The following LRRC20 variants were observed in gnomAD, a reference collection of about 807,000 sequenced individuals.
The protein encoded by LRRC20 is leucine rich repeat containing 20.
In LRRC20, 11 loss-of-function variants were observed where a neutral mutation model predicts 14.4. The ratio of observed to expected loss-of-function variants is 0.77; its 90% CI spans 0.48 to 1.27. LRRC20 has a LOEUF of 1.27. LRRC20 is among the 50% of genes most tolerant of loss of function. The pLI is 0.00. For synonymous variants in LRRC20, 121 were observed against 107.3 expected (o/e 1.13, Z -0.79); for missense variants, 219 against 251.2 (o/e 0.87, Z 0.87).
intron 2 of LRRC20, among the ~76,000 whole-genome samples, chr10:70,373,124 T>C (rs1844373052): frequency 6.6e-6 from 1 of 151,890 alleles, no homozygotes; most frequent in African/African-American, 2.4e-5. Context: ...AAAAAAAGCA[T>C]TGTATAGCTG....
At position 70,376,509 on chromosome 10, in the gene LRRC20, C is replaced by T. The variant is rs144622951; in HGVS notation, c.25G>A (p.Val9Met). ...TTGACCTTCCTTGCTACTCTGGCCA[C>T]GGCCTCACCCATCTTCTTCAGCATG... is the stretch of plus-strand genomic sequence containing the variant. MLKKMGEA[V>M]ARVARKVNET... Residue 9 changes from valine (V) to methionine (M), a missense_variant, in exon 2 of 5, where the codon GTG becomes ATG. Coordinates refer to ENST00000446961, the MANE Select transcript of LRRC20 (RefSeq NM_001278212.2). 8.1e-6 allele frequency: 13 copies of T among 1,613,778 alleles called. No homozygotes were observed. The highest frequency in any genetic ancestry group is 2.7e-5 in the African/African-American group (2 of 74,944).
At chr10:70,313,414 A>G (rs1841741838) in intron 4 of LRRC20, among the ~76,000 whole-genome samples, 1 of 152,010 alleles carries the variant, frequency 6.6e-6, no homozygotes, top group Non-Finnish European at 1.5e-5. Context: ...CTGGGGCAGA[A>G]GGGTTCCTCA....
chr10:70,347,709 C>T (rs1843127487), intron 2 of LRRC20, among the ~76,000 whole-genome samples: 2 of 151,708 alleles, frequency 1.3e-5, no homozygotes, highest in African/African-American at 4.8e-5. Context: ...ATCCCAGCTA[C>T]TTGGGGGGCT....
intron 2 of LRRC20, among the ~76,000 whole-genome samples, chr10:70,344,971 A>G (rs1843025973): frequency 6.6e-6 from 1 of 152,218 alleles, no homozygotes; most frequent in Non-Finnish European, 1.5e-5. Flanking sequence ...ATTAATTTAT[A>G]TATTGTTGAA....
intron 1 of LRRC20, among the ~76,000 whole-genome samples, chr10:70,377,599 A>AG (rs1423301085): frequency 3.3e-5 from 5 of 152,184 alleles, no homozygotes; most frequent in African/African-American, 4.8e-5. Flanking sequence ...CCCAGACCCC[A>AG]GTCCCAGCTT....
intron 1 of LRRC20, among the ~76,000 whole-genome samples, chr10:70,377,097 G>T (rs1844539404): frequency 1.3e-5 from 2 of 152,196 alleles, no homozygotes; most frequent in Admixed American, 1.3e-4. Flanking sequence ...GGCAGGAAGT[G>T]GGGACACGAA....
In LRRC20 at chr10:70,300,740, C is replaced by A; in HGVS notation, c.*614G>T. The stretch of plus-strand genomic sequence containing the variant: ...CTCCTACATGAATGTTCTTGCCCTG[C>A]AGCAGTGCCAGCCCATATTCCCACC... On this transcript the variant is annotated 3_prime_UTR_variant, in exon 5 of 5. Coordinates refer to ENST00000446961, the MANE Select transcript of LRRC20 (RefSeq NM_001278212.2). 1.0e-6 allele frequency: 1 copy of A among 985,770 alleles called. No homozygotes were observed. The allele number at this position is 985,770 out of a possible 1,614,324, so 61.1% of individuals were successfully genotyped here.
rs116484352 is a variant in LRRC20, at chr10:70,343,678, C to T, written c.83-2976G>A. ...ACCTGGGGATTCTAAAAAGAGTAAT[C>T]GTTCCAAACAACAAGCCCTCTAGTG... On this transcript the variant is annotated intron_variant, in intron 2 of 4. Transcript: ENST00000446961. Among the ~76,000 whole-genome samples, 520 of 152,284 alleles carry T rather than the reference C, an allele frequency of 3.4e-3. 8 individuals are homozygous for T. Among genetic ancestry groups the T allele is most frequent in the East Asian group, 0.033 (169 of 5,184 alleles).
intron 1 of LRRC20, among the ~76,000 whole-genome samples, chr10:70,382,069 G>T (rs924458607): frequency 6.6e-6 from 1 of 152,342 alleles, no homozygotes; most frequent in East Asian, 1.9e-4. Context: ...GGTAGTGATC[G>T]CAGAGGCCCC....
chr10:70,369,480 C>A (rs1844175303), intron 2 of LRRC20, among the ~76,000 whole-genome samples: 1 of 152,006 alleles, frequency 6.6e-6, no homozygotes. Flanking sequence ...AAGTTGAATA[C>A]CCTTGTACAA....
chr10:70,370,067 A>T (rs1054523075), intron 2 of LRRC20, among the ~76,000 whole-genome samples: 2 of 152,174 alleles, frequency 1.3e-5, no homozygotes, highest in African/African-American at 4.8e-5. Flanking sequence ...AATAATAAAA[A>T]TCTACTACCT....
At chr10:70,316,245 G>A (rs537713118) in intron 4 of LRRC20, among the ~76,000 whole-genome samples, 2 of 152,098 alleles carry the variant, frequency 1.3e-5, no homozygotes, top group African/African-American at 2.4e-5. Flanking sequence ...CAATTTTCCC[G>A]CCTCAGCCTC....
chr10:70,376,582 C>T lies in LRRC20; in HGVS notation c.-49G>A, dbSNP rs760996808. The T allele has an allele frequency of 1.0e-5, 16 of 1,576,678 alleles. No individual in the cohort carries two copies. Among genetic ancestry groups the T allele is most frequent in the Non-Finnish European group, 1.4e-5 (16 of 1,151,490 alleles). ...AGCCCCCAGGCTGGTCTGCTTCTCA[C>T]AAAAGGGCCTGAGCCTGGGGAAGAC... On this transcript the variant is annotated 5_prime_UTR_variant, in exon 2 of 5. The change creates a new upstream start codon in the 5' untranslated region. Coordinates refer to ENST00000446961, the MANE Select transcript of LRRC20 (RefSeq NM_001278212.2).
chr10:70,324,065 A>C, intron 3 of LRRC20, 35 bp from the exon 4 acceptor site: 1 of 1,605,914 alleles, frequency 6.2e-7, no homozygotes, highest in East Asian at 2.2e-5. Flanking sequence ...GAACAGGATG[A>C]GGAGGGGGCC....
intron 2 of LRRC20, among the ~76,000 whole-genome samples, chr10:70,348,463 C>T (rs1015798517): frequency 6.6e-6 from 1 of 152,230 alleles, no homozygotes; most frequent in Admixed American, 6.5e-5. Flanking sequence ...CAACCATAAA[C>T]AACACCACTT....
chr10:70,310,083 T>A (rs576036258), intron 4 of LRRC20, among the ~76,000 whole-genome samples: 89 of 152,340 alleles, frequency 5.8e-4, no homozygotes, highest in African/African-American at 1.9e-3. Flanking sequence ...GCAAAAGTCA[T>A]TTGAGCAGCT....
At chr10:70,380,983 G>C (rs1844681547) in intron 1 of LRRC20, among the ~76,000 whole-genome samples, 1 of 152,202 alleles carries the variant, frequency 6.6e-6, no homozygotes, top group Non-Finnish European at 1.5e-5. Flanking sequence ...GTGAGCAGCA[G>C]GTGCACAAAG....
intron 2 of LRRC20, among the ~76,000 whole-genome samples, chr10:70,341,681 T>C (rs1473063721): frequency 6.6e-6 from 1 of 152,034 alleles, no homozygotes; most frequent in Non-Finnish European, 1.5e-5. Flanking sequence ...GGCACGAGAA[T>C]CACTTGAGCC....
intron 3 of LRRC20, among the ~76,000 whole-genome samples, chr10:70,339,910 C>G (rs1842850839): frequency 6.6e-6 from 1 of 152,000 alleles, no homozygotes; most frequent in Admixed American, 6.6e-5. Flanking sequence ...CACCTGAGGT[C>G]AGGAGTTTGA....
Sources: gnomAD v4.1 joint callset for allele counts (sites outside exome capture counted in the v4.1 genomes callset) on GRCh38, gnomAD v4.1.1 for gene constraint, MANE v1.5 for transcripts, NCBI Gene and HGNC (gene_info 2026-07-23, HGNC 2026-07-21) for gene names.